The following CCDC171 variants were observed in gnomAD, a reference collection of about 807,000 sequenced individuals.
CCDC171 encodes coiled-coil domain containing 171, also known as coiled-coil domain-containing protein 171.
Under a neutral mutation model 168.2 loss-of-function variants are expected in CCDC171, and 177 were observed. The ratio of observed to expected loss-of-function variants is 1.05; its 90% CI spans 0.93 to 1.19. CCDC171 has a LOEUF of 1.19. CCDC171 is among the 50% of genes most tolerant of loss of function. The pLI is 0.00. For missense variants in CCDC171, 1,991 were observed against 1,539.0 expected (o/e 1.29, Z -4.91); for synonymous variants, 687 against 540.8 (o/e 1.27, Z -3.75).
chr9:15,769,554 G>A (rs961209669), intron 18 of CCDC171, among the ~76,000 whole-genome samples: 1 of 152,192 alleles, frequency 6.6e-6, no homozygotes, highest in African/African-American at 2.4e-5. Flanking sequence ...TGACTTTGGC[G>A]CTAATAGAAG....
intron 1 of CCDC171, among the ~76,000 whole-genome samples, chr9:16,052,555 A>G (rs980761596): frequency 1.3e-5 from 2 of 152,140 alleles, no homozygotes; most frequent in Non-Finnish European, 2.9e-5. Flanking sequence ...TGCATTATAT[A>G]TATTAGAACT....
intron 10 of CCDC171, among the ~76,000 whole-genome samples, chr9:15,694,834 C>G (rs1483548262): frequency 6.6e-6 from 1 of 152,260 alleles, no homozygotes; most frequent in Non-Finnish European, 1.5e-5. Flanking sequence ...TTGGTCTTAA[C>G]TGTCTTCACT....
rs147879468 is a variant in CCDC171, at chr9:15,744,508, T to G, written c.2285T>G (p.Phe762Cys). Residue 762 changes from phenylalanine (F) to cysteine (C), a missense_variant, in exon 17 of 26, where the codon TTT becomes TGT. Transcript: ENST00000380701. ...RDFLQEQVNTFELFKLEIRTL... is the reference protein window; with the variant it reads ...RDFLQEQVNTCELFKLEIRTL... ...TTTCTCCAGGAGCAGGTCAACACCT[T>G]TGAGTTGTTCAAACTGGAAATTAGA... 6.2e-7 allele frequency: 1 copy of G among 1,614,090 alleles called. No homozygotes were observed. Among genetic ancestry groups the G allele is most frequent in the East Asian group, 2.2e-5 (1 of 44,892 alleles).
At chr9:15,657,422 G>T (rs1466739621) in intron 8 of CCDC171, among the ~76,000 whole-genome samples, 1 of 152,114 alleles carries the variant, frequency 6.6e-6, no homozygotes, top group African/African-American at 2.4e-5. Context: ...TAGCCTACAG[G>T]CCAGGTCTCA....
intron 7 of CCDC171, among the ~76,000 whole-genome samples, chr9:15,626,187 G>T (rs1350077531): frequency 2.0e-5 from 3 of 152,214 alleles, no homozygotes; most frequent in Non-Finnish European, 4.4e-5. Flanking sequence ...CTTTGCTGAA[G>T]TTGCTTATCA....
chr9:16,052,279 C>T (rs1833761486), intron 1 of CCDC171, among the ~76,000 whole-genome samples: 2 of 152,126 alleles, frequency 1.3e-5, no homozygotes, highest in South Asian at 4.1e-4. Flanking sequence ...ATCCCTGCTG[C>T]TGTTTCTCCA....
At chr9:15,590,992 G>C (rs1281804668) in intron 4 of CCDC171, among the ~76,000 whole-genome samples, 1 of 151,876 alleles carries the variant, frequency 6.6e-6, no homozygotes, top group Non-Finnish European at 1.5e-5. Flanking sequence ...TGGGATTACA[G>C]GTGTGTACCA....
At chr9:15,862,971 C>A (rs192881983) in intron 23 of CCDC171, among the ~76,000 whole-genome samples, 1 of 151,894 alleles carries the variant, frequency 6.6e-6, no homozygotes, top group East Asian at 1.9e-4. Context: ...CATTTTTTTT[C>A]ACTGGTCCTT....
chr9:15,625,724 G>C (rs1432304130), intron 7 of CCDC171, among the ~76,000 whole-genome samples: 2 of 152,182 alleles, frequency 1.3e-5, no homozygotes, highest in Non-Finnish European at 2.9e-5. Flanking sequence ...CTGTAGCCTT[G>C]TATTATAGTT....
intron 11 of CCDC171, among the ~76,000 whole-genome samples, chr9:15,717,376 G>T: frequency 6.6e-6 from 1 of 152,098 alleles, no homozygotes; most frequent in East Asian, 1.9e-4. Flanking sequence ...AAGTGCTCAG[G>T]GTCCTAAATA....
intron 18 of CCDC171, among the ~76,000 whole-genome samples, chr9:15,749,106 A>G (rs545717602): frequency 6.6e-6 from 1 of 150,954 alleles, no homozygotes. Flanking sequence ...GGCTCAAAAT[A>G]AAGGGATGGA....
At chr9:15,713,975 T>C (rs1342112411) in intron 11 of CCDC171, among the ~76,000 whole-genome samples, 6 of 151,954 alleles carry the variant, frequency 3.9e-5, no homozygotes, top group Non-Finnish European at 8.8e-5. Flanking sequence ...TGGTCTTTAC[T>C]AAGGGGGTAG....
At chr9:15,964,074 C>T (rs1830583893) in intron 25 of CCDC171, among the ~76,000 whole-genome samples, 1 of 152,174 alleles carries the variant, frequency 6.6e-6, no homozygotes, top group Non-Finnish European at 1.5e-5. Context: ...ATGTACTGAG[C>T]TGTGGAGCCC....
chr9:15,578,806 C>A, intron 3 of CCDC171, 43 bp from the exon 4 acceptor site: 2 of 1,528,828 alleles, frequency 1.3e-6, no homozygotes, highest in South Asian at 1.2e-5. Context: ...TGTATGATCT[C>A]ATAATCTTTG....
intron 24 of CCDC171, among the ~76,000 whole-genome samples, chr9:15,915,601 GT>G (rs1295686583): frequency 6.6e-6 from 1 of 152,116 alleles, no homozygotes; most frequent in East Asian, 1.9e-4. Flanking sequence ...TATGATACCT[GT>G]TATTTTTTTC....
At position 15,816,950 on chromosome 9, in the gene CCDC171, A is replaced by G. The variant is rs1356291471; in HGVS notation, c.3268-29752A>G. Among the ~76,000 whole-genome samples, 4 of 118,656 alleles carry G rather than the reference A, an allele frequency of 3.4e-5. 2 individuals carry two copies. The highest frequency in any genetic ancestry group is 1.3e-4 in the African/African-American group (4 of 31,640). 77.8% of individuals were successfully genotyped at this position (118,656 alleles called of 152,430 possible). ...GATCTTTGACTACATAGCTGATTAT[A>G]TTCTCAGGATAGAGCTCAAGAAGCA... On this transcript the variant is annotated intron_variant, in intron 21 of 25. Coordinates refer to ENST00000380701, the MANE Select transcript of CCDC171 (RefSeq NM_173550.4).
At chr9:16,035,746 A>G (rs1833453146) in intron 7 of CCDC171, among the ~76,000 whole-genome samples, 1 of 152,062 alleles carries the variant, frequency 6.6e-6, no homozygotes, top group Admixed American at 6.5e-5. Context: ...CTTACTGAAG[A>G]TTAGAAGAGG....
intron 3 of CCDC171, among the ~76,000 whole-genome samples, chr9:16,001,163 G>T (rs564967445): frequency 1.4e-4 from 21 of 152,330 alleles, no homozygotes; most frequent in African/African-American, 4.1e-4. Context: ...AGAAAATCAA[G>T]ATAGGAACCA....
chr9:15,871,843 A>G (rs1297488413), intron 23 of CCDC171, among the ~76,000 whole-genome samples: 1 of 151,454 alleles, frequency 6.6e-6, no homozygotes, highest in African/African-American at 2.4e-5. Context: ...TTGCTGCATG[A>G]TTTTATTTTT....
Sources: allele counts gnomAD v4.1 joint callset (sites outside exome capture counted in the v4.1 genomes callset), GRCh38; gene constraint gnomAD v4.1.1; transcripts MANE v1.5; gene names NCBI Gene and HGNC (gene_info 2026-07-23, HGNC 2026-07-21).